Variants in FAM167A observed in about 807,000 individuals in gnomAD.
The protein encoded by FAM167A is family with sequence similarity 167 member A, also known as protein FAM167A.
In FAM167A, 23 loss-of-function variants were observed where a neutral mutation model predicts 14.9. The observed-to-expected ratio is 1.55, with a 90% CI of 1.11 to 2.19. FAM167A has a LOEUF of 2.19. Among genes scored for constraint, FAM167A ranks in the 30% most tolerant of loss-of-function variants. The pLI is 0.00. For missense variants in FAM167A, 401 were observed against 281.5 expected (o/e 1.42, Z -3.04); for synonymous variants, 174 against 117.7 (o/e 1.48, Z -3.10).
chr8:11,435,402 G>C (rs562407913), intron 2 of FAM167A, among the ~76,000 whole-genome samples: 56 of 152,382 alleles, frequency 3.7e-4, no homozygotes, highest in African/African-American at 1.3e-3. Context: ...GAGAGACAGA[G>C]ACTGGGGCCA....
At position 11,422,105 on chromosome 8, in the gene FAM167A, G is replaced by C. The variant is rs945602812; in HGVS notation, c.*2268C>G. ...TCCCCAAACATGTGTCTTGATCTTA[G>C]TTTCCACCCAGAGAATGAAGAAAGC... On this transcript the variant is annotated 3_prime_UTR_variant, in exon 3 of 3. Transcript: ENST00000284486. The C allele has an allele frequency of 6.4e-6, 2 of 313,522 alleles. No individual in the cohort carries two copies. The highest frequency in any genetic ancestry group is 1.2e-5 in the Non-Finnish European group (2 of 173,090). 19.4% of individuals were successfully genotyped at this position (313,522 alleles called of 1,614,324 possible).
At chr8:11,436,046 G>A (rs1467356300) in intron 2 of FAM167A, among the ~76,000 whole-genome samples, 1 of 152,198 alleles carries the variant, frequency 6.6e-6, no homozygotes, top group African/African-American at 2.4e-5. Context: ...CTCAGGGCGG[G>A]TCCCCAGCCC....
At chr8:11,450,577 C>A (rs893171392) in intron 1 of FAM167A, among the ~76,000 whole-genome samples, 1 of 152,196 alleles carries the variant, frequency 6.6e-6, no homozygotes, top group Non-Finnish European at 1.5e-5. Context: ...AGCACTTACA[C>A]CCAGGGCCTT....
At position 11,421,635 on chromosome 8, in the gene FAM167A, C is replaced by T. The variant is rs1804733441; in HGVS notation, c.*2738G>A. ...ACAGGGTGTGGGTCTTGAACTCGGT[C>T]AGGCATCGTCAAGCCTGCCCAGGCC... is the stretch of plus-strand genomic sequence containing the variant. On this transcript the variant is annotated 3_prime_UTR_variant, in exon 3 of 3. Coordinates refer to ENST00000284486, the MANE Select transcript of FAM167A (RefSeq NM_053279.3). 2.5e-6 allele frequency: 1 copy of T among 398,506 alleles called. No homozygotes were observed. The highest frequency in any genetic ancestry group is 2.1e-5 in the African/African-American group (1 of 48,616). The allele number at this position is 398,506 out of a possible 1,614,324, so 24.7% of individuals were successfully genotyped here. A position where few individuals can be genotyped will look rare whatever the true frequency, so the allele number is the denominator to read the frequency against.
At chr8:11,458,842 T>C (rs1277441493) in intron 1 of FAM167A, among the ~76,000 whole-genome samples, 4 of 151,622 alleles carry the variant, frequency 2.6e-5, no homozygotes, top group Non-Finnish European at 4.4e-5. Context: ...TCTGAGCCCT[T>C]AGGCCCAGCA....
intron 2 of FAM167A, among the ~76,000 whole-genome samples, chr8:11,440,362 C>G (rs1391277419): frequency 6.6e-6 from 1 of 152,216 alleles, no homozygotes; most frequent in Non-Finnish European, 1.5e-5. Context: ...ATCTGATCTA[C>G]TTGCTGATCC....
At chr8:11,434,046 G>A (rs924094109) in intron 2 of FAM167A, 2 of 152,236 alleles carry the variant, frequency 1.3e-5, no homozygotes, top group African/African-American at 4.8e-5. Context: ...AGGAAAGAAA[G>A]CAGGAGTGCC....
At chr8:11,457,240 A>T (rs1225702732) in intron 1 of FAM167A, among the ~76,000 whole-genome samples, 2 of 151,918 alleles carry the variant, frequency 1.3e-5, no homozygotes, top group Non-Finnish European at 2.9e-5. Flanking sequence ...CCTCTGGCAC[A>T]TGTCCAGCCA....
intron 2 of FAM167A, among the ~76,000 whole-genome samples, chr8:11,437,554 A>G (rs1171020852): frequency 6.6e-6 from 1 of 152,214 alleles, no homozygotes; most frequent in African/African-American, 2.4e-5. Flanking sequence ...TACACATATT[A>G]TGCTTTTTCC....
At chr8:11,425,692 G>C (rs1362279635) in intron 2 of FAM167A, among the ~76,000 whole-genome samples, 12 of 152,022 alleles carry the variant, frequency 7.9e-5, no homozygotes, top group Admixed American at 7.9e-4. Flanking sequence ...TTGGAGTTTA[G>C]GCACAGCAGA....
chr8:11,435,019 C>T, intron 2 of FAM167A: 1 of 456,776 alleles, frequency 2.2e-6, no homozygotes, highest in South Asian at 1.5e-5. Context: ...GGCCTCCTCC[C>T]TGCCTGCCTC....
intron 1 of FAM167A, among the ~76,000 whole-genome samples, chr8:11,456,061 CTGTG>C (rs1314777056): frequency 1.2e-3 from 116 of 94,214 alleles, no homozygotes; most frequent in African/African-American, 4.3e-3. Context: ...GGTTGCCTTG[CTGTG>C]TGTGAGTGTG....
At position 11,422,518 on chromosome 8, in the gene FAM167A, G is replaced by C. The variant is rs2116958497; in HGVS notation, c.*1855C>G. On this transcript the variant is annotated 3_prime_UTR_variant, in exon 3 of 3. Transcript: ENST00000284486. Reference sequence around the variant, plus strand: ...GCTCTGAGGAAGGACAGCAGTACATGGTCCTCAGGCCTGCAGACTTCATTG... The same window carrying C: ...GCTCTGAGGAAGGACAGCAGTACATCGTCCTCAGGCCTGCAGACTTCATTG... 1 of 152,698 alleles carries C rather than the reference G, an allele frequency of 6.5e-6. No individual in the cohort carries two copies. Among genetic ancestry groups the C allele is most frequent in the African/African-American group, 2.4e-5 (1 of 41,512 alleles). The allele number at this position is 152,698 out of a possible 1,614,324, so 9.5% of individuals were successfully genotyped here. A position where few individuals can be genotyped will look rare whatever the true frequency, so the allele number is the denominator to read the frequency against.
chr8:11,427,874 A>T (rs779123571), intron 2 of FAM167A, among the ~76,000 whole-genome samples: 29 of 152,272 alleles, frequency 1.9e-4, no homozygotes, highest in Non-Finnish European at 3.7e-4. Context: ...AATTCTATTG[A>T]CCTAGAATAG....
intron 1 of FAM167A, among the ~76,000 whole-genome samples, chr8:11,456,894 TG>T (rs148276851): frequency 1.7e-5 from 1 of 60,388 alleles, no homozygotes. Context: ...GTTAGGGAAA[TG>T]GGGGGATTGG....
At position 11,452,990 on chromosome 8, in the gene FAM167A, C is replaced by A. The variant is rs1346866497; in HGVS notation, c.-397-8182G>T. ...CAGGAAAGCTGGGGTGATCTCCCCC[C>A]TCTGTCCCCTTCATCACGGCTGCCC... On this transcript the variant is annotated intron_variant, in intron 1 of 2. Transcript: ENST00000284486. Among the ~76,000 whole-genome samples, 5 of 152,118 alleles carry A rather than the reference C, an allele frequency of 3.3e-5. No homozygotes were observed. In the East Asian group the frequency reaches 9.6e-4, roughly 29 times the overall value.
At chr8:11,464,187 C>T (rs1434196785) in intron 1 of FAM167A, among the ~76,000 whole-genome samples, 2 of 152,118 alleles carry the variant, frequency 1.3e-5, no homozygotes, top group Non-Finnish European at 2.9e-5. Context: ...CTCTGCTCAC[C>T]TTCTTTCTCC....
At chr8:11,438,407 T>C (rs1476485286) in intron 2 of FAM167A, 2 of 452,682 alleles carry the variant, frequency 4.4e-6, no homozygotes, top group Admixed American at 2.4e-5. Flanking sequence ...TGTTGGGAGA[T>C]TGAAGGCCTT....
chr8:11,462,985 T>G (rs1228275113), intron 1 of FAM167A, among the ~76,000 whole-genome samples: 1 of 152,142 alleles, frequency 6.6e-6, no homozygotes, highest in Non-Finnish European at 1.5e-5. Context: ...AAAGAATCCA[T>G]GAGAGCTCCA....
Sources: gnomAD v4.1 joint callset for allele counts (sites outside exome capture counted in the v4.1 genomes callset) on GRCh38, gnomAD v4.1.1 for gene constraint, MANE v1.5 for transcripts, NCBI Gene and HGNC (gene_info 2026-07-23, HGNC 2026-07-21) for gene names.